LITAF: variants seen among roughly 807,000 people sequenced by gnomAD.
LITAF encodes the protein lipopolysaccharide induced TNF factor.
A neutral mutation model predicts 14.5 loss-of-function variants in LITAF; 9 were observed. The ratio of observed to expected loss-of-function variants is 0.62; its 90% CI spans 0.37 to 1.08. The LOEUF is 1.08. Ranked by LOEUF, LITAF falls within the 50% of genes least tolerant of loss-of-function variation. LITAF has a pLI of 0.01. For synonymous variants in LITAF, 98 were observed against 88.2 expected, an observed-to-expected ratio of 1.11 and a Z score of -0.62; for missense variants, 206 against 213.4, an observed-to-expected ratio of 0.97 and a Z score of 0.22.
upstream of LITAF, among the ~76,000 whole-genome samples, chr16:11,603,086 C>G (rs1249174134): frequency 1.3e-5 from 2 of 152,120 alleles, no homozygotes; most frequent in Non-Finnish European, 2.9e-5. Context: ...TGCATTCCAG[C>G]CTGGGCAATC....
chr16:11,625,326 G>A (rs1054792481), intron 3 of LITAF, among the ~76,000 whole-genome samples: 1 of 150,646 alleles, frequency 6.6e-6, no homozygotes, highest in East Asian at 1.9e-4. Context: ...GCAGTAGTGC[G>A]ATCTCGGCTC....
chr16:11,607,277 C>T (rs1417545387), intron 3 of LITAF, among the ~76,000 whole-genome samples: 1 of 152,242 alleles, frequency 6.6e-6, no homozygotes, highest in Non-Finnish European at 1.5e-5. Flanking sequence ...GTGATACTCA[C>T]TATCATGTTC....
chr16:11,574,018 T>TTTG lies in LITAF; in HGVS notation c.-6+12865_-6+12867dup, dbSNP rs1555469427. Among the ~76,000 whole-genome samples, 1,164 of 148,348 alleles carry TTTG rather than the reference T, an allele frequency of 7.8e-3. 18 individuals are homozygous for TTTG. The highest frequency in any genetic ancestry group is 0.027 in the African/African-American group (1,093 of 40,208). On this transcript the variant is annotated intron_variant, in intron 1 of 3. Transcript: ENST00000622633. ...TGCCCGGCGTTTTTTTGGTTTTTTTTTTGTTGTTGTTTTTAAAGACAGGTT... is the reference window on the plus strand; with the variant it reads ...TGCCCGGCGTTTTTTTGGTTTTTTTTTTGTTGTTGTTGTTTTTAAAGACAGGTT...
chr16:11,576,299 T>C (rs1168799759), intron 1 of LITAF, among the ~76,000 whole-genome samples: 2 of 151,812 alleles, frequency 1.3e-5, no homozygotes, highest in East Asian at 3.9e-4. Context: ...TGAAACCCCA[T>C]CTCTACTAAA....
chr16:11,637,201 ATTTC>A (rs1054898265), upstream of LITAF, among the ~76,000 whole-genome samples: 3 of 152,238 alleles, frequency 2.0e-5, no homozygotes, highest in African/African-American at 7.2e-5. Flanking sequence ...TGCCTAAATA[ATTTC>A]TTTCTATCTC....
intron 1 of LITAF, among the ~76,000 whole-genome samples, chr16:11,574,433 G>C (rs922234476): frequency 2.0e-5 from 3 of 152,172 alleles, no homozygotes; most frequent in African/African-American, 7.2e-5. Flanking sequence ...GAACCAGGTG[G>C]ACTAGGGGAT....
chr16:11,612,467 T>G (rs537109649), intron 3 of LITAF, among the ~76,000 whole-genome samples: 1 of 152,306 alleles, frequency 6.6e-6, no homozygotes, highest in East Asian at 1.9e-4. Flanking sequence ...ATTGGGCAAC[T>G]CCCAGCAGGT....
intron 3 of LITAF, among the ~76,000 whole-genome samples, chr16:11,615,479 G>A (rs1249183049): frequency 6.6e-6 from 1 of 151,776 alleles, no homozygotes; most frequent in African/African-American, 2.4e-5. Flanking sequence ...GGAGGTTGCG[G>A]TGAGCCGAGA....
chr16:11,568,742 C>T (rs1013881176), intron 1 of LITAF, among the ~76,000 whole-genome samples: 27 of 150,546 alleles, frequency 1.8e-4, no homozygotes, highest in African/African-American at 6.3e-4. Context: ...TGCAGTGCCA[C>T]GACCTCGGCT....
At chr16:11,592,955 G>A (rs979328958) in intron 1 of LITAF, among the ~76,000 whole-genome samples, 1 of 152,156 alleles carries the variant, frequency 6.6e-6, no homozygotes, top group Non-Finnish European at 1.5e-5. Context: ...TTGATCACGA[G>A]GTCAGGAGAT....
chr16:11,623,646 C>T (rs534483349), intron 3 of LITAF, among the ~76,000 whole-genome samples: 7 of 144,386 alleles, frequency 4.8e-5, no homozygotes, highest in East Asian at 4.2e-4. Flanking sequence ...GGTGACAGAG[C>T]GAAACTTTGT....
chr16:11,593,448 A>G lies in LITAF; in HGVS notation c.-6+4940T>C, dbSNP rs147245716. Reference sequence around the variant, plus strand: ...ACCCTCAAACATTGCTGGTGAGAACATAAAATGCTATAGCTACTGTTCCAC... The same window carrying G: ...ACCCTCAAACATTGCTGGTGAGAACGTAAAATGCTATAGCTACTGTTCCAC... On this transcript the variant is annotated intron_variant, in intron 1 of 3. Coordinates refer to the LITAF transcript ENST00000571627. Among the ~76,000 whole-genome samples, 198 of 152,210 alleles carry G rather than the reference A, an allele frequency of 1.3e-3. 3 individuals carry two copies. The East Asian group carries it at 0.017, about 13-fold the overall frequency.
At chr16:11,551,917 G>T in intron 3 of LITAF, 1 of 400,880 alleles carries the variant, frequency 2.5e-6, no homozygotes, top group Admixed American at 4.6e-5. Context: ...CAGAGGCAAT[G>T]GACTTTTTTT....
chr16:11,565,621 T>C (rs2064439277), intron 1 of LITAF, among the ~76,000 whole-genome samples: 1 of 152,072 alleles, frequency 6.6e-6, no homozygotes, highest in South Asian at 2.1e-4. Flanking sequence ...CCCCTCATTG[T>C]GCTCTTGACT....
At chr16:11,630,236 A>C (rs1200563615) in intron 3 of LITAF, among the ~76,000 whole-genome samples, 2 of 152,138 alleles carry the variant, frequency 1.3e-5, no homozygotes, top group Admixed American at 1.3e-4. Context: ...ATGGATGGAA[A>C]AGTACCCCCA....
chr16:11,612,366 C>T (rs1239345181), intron 3 of LITAF, among the ~76,000 whole-genome samples: 1 of 152,196 alleles, frequency 6.6e-6, no homozygotes, highest in Non-Finnish European at 1.5e-5. Flanking sequence ...ACCTGGGGGG[C>T]AGCCTGGAGG....
intron 3 of LITAF, among the ~76,000 whole-genome samples, chr16:11,619,882 C>A (rs914040271): frequency 1.1e-4 from 17 of 152,182 alleles, no homozygotes; most frequent in Admixed American, 3.3e-4. Flanking sequence ...GAAATGTAAT[C>A]TGCGGACGGG....
chr16:11,574,825 CAG>C (rs2064604908), intron 1 of LITAF, among the ~76,000 whole-genome samples: 1 of 152,054 alleles, frequency 6.6e-6, no homozygotes, highest in Middle Eastern at 3.4e-3. Context: ...TTTTTTGAGA[CAG>C]AGTCTCATTC....
exon 1 of LITAF, chr16:11,636,326 G>A (rs898504852): frequency 6.6e-6 from 1 of 152,230 alleles, no homozygotes; most frequent in Non-Finnish European, 1.5e-5. Flanking sequence ...ATAGGCGAAA[G>A]AAAGAGAAGC....
Sources: allele counts gnomAD v4.1 joint callset (sites outside exome capture counted in the v4.1 genomes callset), GRCh38; gene constraint gnomAD v4.1.1; transcripts MANE v1.5; gene names NCBI Gene and HGNC (gene_info 2026-07-23, HGNC 2026-07-21).